The following OSBPL10 variants were observed in gnomAD, a reference collection of about 807,000 sequenced individuals.
OSBPL10 encodes oxysterol-binding protein-related protein 10.
OSBPL10 carries 49 observed loss-of-function variants against 81.7 expected under a neutral mutation model. The ratio of observed to expected loss-of-function variants is 0.60; its 90% confidence interval spans 0.48 to 0.76. The LOEUF is 0.76. Ranked by LOEUF, OSBPL10 falls within the 30% of genes least tolerant of loss-of-function variation. The pLI is 0.00. For synonymous variants in OSBPL10, 419 were observed against 383.6 expected, an observed-to-expected ratio of 1.09 and a Z score of -1.08; for missense variants, 923 against 987.8, an observed-to-expected ratio of 0.93 and a Z score of 0.88.
intron 3 of OSBPL10, among the ~76,000 whole-genome samples, chr3:31,858,347 T>A (rs998543284): frequency 6.6e-6 from 1 of 152,156 alleles, no homozygotes. Flanking sequence ...ATTAAATTTC[T>A]CTTTTATTGC....
At chr3:32,072,122 C>T (rs970955539) in intron 1 of OSBPL10, among the ~76,000 whole-genome samples, 4 of 152,178 alleles carry the variant, frequency 2.6e-5, no homozygotes, top group Non-Finnish European at 4.4e-5. Flanking sequence ...TTTATACTGA[C>T]TCTAAATATG....
At chr3:31,871,765 A>T (rs958929066) in intron 3 of OSBPL10, among the ~76,000 whole-genome samples, 5 of 152,180 alleles carry the variant, frequency 3.3e-5, no homozygotes, top group Admixed American at 6.5e-5. Context: ...CAGGAGGCTA[A>T]GGTGGGAGGA....
intron 11 of OSBPL10, chr3:31,663,675 C>T: frequency 9.2e-7 from 1 of 1,081,718 alleles, no homozygotes; most frequent in Non-Finnish European, 1.1e-6. Flanking sequence ...CTCCAGCCCA[C>T]CCAGGTGTTG....
chr3:31,708,381 C>T (rs1696138622), intron 6 of OSBPL10, among the ~76,000 whole-genome samples: 1 of 152,216 alleles, frequency 6.6e-6, no homozygotes. Context: ...ACATAATCCT[C>T]ACAGTGTATC....
intron 1 of OSBPL10, among the ~76,000 whole-genome samples, chr3:32,056,116 T>C (rs1358531992): frequency 1.3e-5 from 2 of 152,210 alleles, no homozygotes; most frequent in Non-Finnish European, 2.9e-5. Context: ...GATTTGCTTT[T>C]AATAAAAATA....
chr3:31,976,742 C>T (rs1698703168), intron 1 of OSBPL10, among the ~76,000 whole-genome samples: 1 of 152,180 alleles, frequency 6.6e-6, no homozygotes, highest in Non-Finnish European at 1.5e-5. Flanking sequence ...CAGATGTGAG[C>T]CAATGCACCC....
intron 2 of OSBPL10, among the ~76,000 whole-genome samples, chr3:32,033,692 CAGTA>C (rs1699492745): frequency 6.6e-6 from 1 of 152,180 alleles, no homozygotes; most frequent in Non-Finnish European, 1.5e-5. Flanking sequence ...GCCTTTAAGA[CAGTA>C]AGCCAATAGC....
At chr3:32,060,427 T>A (rs1007019804) in intron 1 of OSBPL10, among the ~76,000 whole-genome samples, 1 of 152,182 alleles carries the variant, frequency 6.6e-6, no homozygotes, top group Admixed American at 6.5e-5. Context: ...CAACTTCTTG[T>A]CCTTTCTTAA....
rs745663706 is a variant in OSBPL10 at position 31,812,818 on chromosome 3, G to GAGAAAGAAAGAAAGAAAGAA, written c.729+17202_729+17221dup. Among the ~76,000 whole-genome samples the GAGAAAGAAAGAAAGAAAGAA allele has an allele frequency of 1.5e-4, 4 of 25,882 alleles. 1 individual carries two copies. Among genetic ancestry groups the GAGAAAGAAAGAAAGAAAGAA allele is most frequent in the Admixed American group, 5.5e-4 (1 of 1,824 alleles). 17.0% of individuals were successfully genotyped at this position (25,882 alleles called of 152,430 possible). A position where few individuals can be genotyped will look rare whatever the true frequency, so the allele number is the denominator to read the frequency against. ...AGAAAGAAAGAAAGAAAGAAAGAAA[G>GAGAAAGAAAGAAAGAAAGAA]AGAAAGAAAGAAAGAAAGAAAGAAA... On this transcript the variant is annotated intron_variant, in intron 4 of 11. Transcript: ENST00000396556.
chr3:32,044,467 T>A (rs1348101525), intron 2 of OSBPL10, among the ~76,000 whole-genome samples: 1 of 150,156 alleles, frequency 6.7e-6, no homozygotes, highest in Non-Finnish European at 1.5e-5. Flanking sequence ...CCTGGTCGGG[T>A]GCTGTGGCTC....
At chr3:31,709,091 G>T in intron 6 of OSBPL10, 1 of 951,916 alleles carries the variant, frequency 1.1e-6, no homozygotes. Flanking sequence ...CCACTGTGAG[G>T]GGAACCCGAT....
intron 1 of OSBPL10, among the ~76,000 whole-genome samples, chr3:32,077,030 C>G (rs115126577): frequency 0.011 from 1,639 of 152,232 alleles, 41 homozygotes; most frequent in African/African-American, 0.037. Context: ...ACCATAATAT[C>G]TGATCTTTTG....
intron 4 of OSBPL10, among the ~76,000 whole-genome samples, chr3:31,760,840 G>A (rs529726946): frequency 6.6e-6 from 1 of 152,204 alleles, no homozygotes; most frequent in South Asian, 2.1e-4. Context: ...ATTCCCTATG[G>A]CCGAACATTA....
chr3:31,708,923 C>T (rs1696163703), intron 6 of OSBPL10: 1 of 985,334 alleles, frequency 1.0e-6, no homozygotes, highest in African/African-American at 1.7e-5. Flanking sequence ...GCTGGTACCC[C>T]TTGGCCCTGC....
rs144056950 is a variant in OSBPL10 at position 31,920,923 on chromosome 3, G to A, written c.282-41093C>T. Among the ~76,000 whole-genome samples, 25 of 152,194 alleles carry A rather than the reference G, an allele frequency of 1.6e-4. 1 individual carries two copies. In the East Asian group the frequency reaches 1.7e-3, roughly 11 times the overall value. ...GAAGCCAACACCAGAAGCAGATACC[G>A]GCACTATGTTTTATGTGTAGCCTGC... On this transcript the variant is annotated intron_variant, in intron 1 of 11. Transcript: ENST00000396556.
At chr3:31,861,540 CTGAT>C (rs1296201321) in intron 3 of OSBPL10, among the ~76,000 whole-genome samples, 1 of 152,110 alleles carries the variant, frequency 6.6e-6, no homozygotes, top group Admixed American at 6.5e-5. Context: ...ATACAGATGA[CTGAT>C]TGTCTATAGA....
chr3:31,971,120 CTGTTT>C (rs1698550897), intron 1 of OSBPL10, among the ~76,000 whole-genome samples: 1 of 135,774 alleles, frequency 7.4e-6, no homozygotes, highest in East Asian at 3.0e-4. Context: ...TTTTTTTTTT[CTGTTT>C]TTTTTTCTTT....
At chr3:32,066,567 C>T (rs565917582) in intron 1 of OSBPL10, 3 of 152,266 alleles carry the variant, frequency 2.0e-5, no homozygotes, top group South Asian at 2.1e-4. Flanking sequence ...CTCCTGCAAA[C>T]TCAGTGACAG....
At chr3:31,773,334 G>C (rs184124086) in intron 4 of OSBPL10, among the ~76,000 whole-genome samples, 1 of 152,144 alleles carries the variant, frequency 6.6e-6, no homozygotes, top group African/African-American at 2.4e-5. Flanking sequence ...TCCTGCACTC[G>C]TCAGCACTAC....
Sources: allele counts gnomAD v4.1 joint callset (sites outside exome capture counted in the v4.1 genomes callset), GRCh38; gene constraint gnomAD v4.1.1; transcripts MANE v1.5; gene names NCBI Gene and HGNC (gene_info 2026-07-23, HGNC 2026-07-21).